JADE3: variants seen among roughly 807,000 people sequenced by gnomAD.
JADE3 encodes protein Jade-3.
A neutral mutation model predicts 50.1 loss-of-function variants in JADE3; 2 were observed. That is an observed-to-expected ratio of 0.04 (90% CI 0.02 to 0.13). JADE3 has a LOEUF of 0.13. Among genes scored for constraint, JADE3 ranks in the 10% least tolerant of loss-of-function variants. The pLI is 1.00. For synonymous variants in JADE3, 218 were observed against 232.9 expected (o/e 0.94, Z 0.58); for missense variants, 475 against 634.4 (o/e 0.75, Z 2.70).
chrX:46,931,097 T>C (rs1232566880), intron 1 of JADE3, among the ~76,000 whole-genome samples: 1 of 112,070 alleles, frequency 8.9e-6, no homozygotes, highest in Non-Finnish European at 1.9e-5. Context: ...GATTACCTAG[T>C]GGATTGCCTG....
chrX:46,966,822 G>A (rs1212010755), intron 1 of JADE3, among the ~76,000 whole-genome samples: 1 of 111,976 alleles, frequency 8.9e-6, no homozygotes, highest in Non-Finnish European at 1.9e-5. Context: ...TAGAGAGGTT[G>A]GAACCTGTTA....
At chrX:46,971,597 C>T (rs1927494662) in intron 1 of JADE3, among the ~76,000 whole-genome samples, 1 of 105,599 alleles carries the variant, frequency 9.5e-6, no homozygotes, top group South Asian at 4.5e-4. Context: ...AGATCGAGAC[C>T]ATCCTGGCTA....
intron 1 of JADE3, among the ~76,000 whole-genome samples, chrX:46,942,157 A>G (rs919232107): frequency 9.0e-6 from 1 of 110,702 alleles, no homozygotes; most frequent in South Asian, 3.8e-4. Flanking sequence ...TTTTTCTCCC[A>G]TTTGTTAGGG....
chrX:47,003,555 G>A lies in JADE3; in HGVS notation c.284+5278G>A, dbSNP rs951598793. 1.9e-4 allele frequency among the ~76,000 whole-genome samples: 19 copies of A among 102,028 alleles called. No individual in the cohort carries two copies. In the Admixed American group the frequency reaches 1.9e-3, roughly 10 times the overall value. 88.6% of individuals were successfully genotyped at this position (102,028 alleles called of 115,157 possible). On this transcript the variant is annotated intron_variant, in intron 4 of 10. Coordinates refer to ENST00000614628, the MANE Select transcript of JADE3 (RefSeq NM_014735.5). ...TTTTATGTCTTATTTTTATGTTCCC[G>A]AGGAATATTGACCTGTAGTCTTATA...
At chrX:46,982,108 T>G in intron 1 of JADE3, among the ~76,000 whole-genome samples, 1 of 111,743 alleles carries the variant, frequency 8.9e-6, no homozygotes, top group Non-Finnish European at 1.9e-5. Context: ...ATTATGTATA[T>G]GTTGATGAAC....
chrX:47,046,766 G>A (rs1430214289), intron 8 of JADE3, among the ~76,000 whole-genome samples: 1 of 112,134 alleles, frequency 8.9e-6, no homozygotes. Context: ...ACGATCATAC[G>A]GTTTTTGTCC....
intron 1 of JADE3, among the ~76,000 whole-genome samples, chrX:46,975,606 C>T (rs1556351407): frequency 9.2e-6 from 1 of 108,364 alleles, no homozygotes; most frequent in East Asian, 2.8e-4. Context: ...AATTATTCCT[C>T]TTTTGTGTGA....
intron 1 of JADE3, among the ~76,000 whole-genome samples, chrX:46,959,435 A>G (rs1927207968): frequency 8.9e-6 from 1 of 112,012 alleles, no homozygotes; most frequent in Non-Finnish European, 1.9e-5. Flanking sequence ...CCCAGTATGT[A>G]CCAGGCACCG....
At chrX:46,925,274 T>C (rs1363333532) in intron 1 of JADE3, among the ~76,000 whole-genome samples, 1 of 112,361 alleles carries the variant, frequency 8.9e-6, no homozygotes, top group Non-Finnish European at 1.9e-5. Flanking sequence ...TAGAAATTGC[T>C]GTGTGAAATA....
chrX:46,952,740 G>C (rs1449352231), intron 1 of JADE3, among the ~76,000 whole-genome samples: 1 of 112,226 alleles, frequency 8.9e-6, no homozygotes, highest in Non-Finnish European at 1.9e-5. Flanking sequence ...GCTCACGCCT[G>C]TAATCCCAGC....
At chrX:47,002,863 T>A (rs1416247333) in intron 4 of JADE3, among the ~76,000 whole-genome samples, 1 of 111,580 alleles carries the variant, frequency 9.0e-6, no homozygotes, top group African/African-American at 3.3e-5. Flanking sequence ...GCAGACATCA[T>A]TGTCTTGTTC....
intron 1 of JADE3, among the ~76,000 whole-genome samples, chrX:46,939,687 T>C (rs781861131): frequency 8.9e-6 from 1 of 112,151 alleles, no homozygotes; most frequent in South Asian, 3.7e-4. Context: ...AGGTTTATGG[T>C]GAGATACTGG....
At chrX:46,999,487 A>ACAT (rs1556358444) in intron 4 of JADE3, among the ~76,000 whole-genome samples, 1 of 103,165 alleles carries the variant, frequency 9.7e-6, no homozygotes, top group South Asian at 4.0e-4. Flanking sequence ...ATATATATAA[A>ACAT]ATAGGGTCTT....
At chrX:46,955,432 T>A (rs183311919) in intron 1 of JADE3, among the ~76,000 whole-genome samples, 2 of 111,789 alleles carry the variant, frequency 1.8e-5, no homozygotes, top group East Asian at 5.6e-4. Flanking sequence ...ATAAGGTTGA[T>A]CGGGGTGTGA....
At chrX:47,035,304 G>C (rs1556367692) in intron 7 of JADE3, among the ~76,000 whole-genome samples, 1 of 111,049 alleles carries the variant, frequency 9.0e-6, no homozygotes, top group Non-Finnish European at 1.9e-5. Context: ...TGGTTCCAGG[G>C]GAGTTATTGT....
chrX:46,917,822 A>ACTCT (rs1926124184), intron 1 of JADE3, among the ~76,000 whole-genome samples: 2 of 22,271 alleles, frequency 9.0e-5, no homozygotes, highest in African/African-American at 3.5e-4. Flanking sequence ...TCTCTCTCTC[A>ACTCT]CTCTCTCTCA....
chrX:47,012,532 G>A (rs1928583592), intron 4 of JADE3, among the ~76,000 whole-genome samples: 1 of 110,486 alleles, frequency 9.1e-6, no homozygotes, highest in African/African-American at 3.3e-5. Context: ...AGTGACCTAT[G>A]ATCACACCAC....
intron 8 of JADE3, among the ~76,000 whole-genome samples, chrX:47,046,196 AT>A (rs782813439): frequency 1.8e-5 from 2 of 111,693 alleles, no homozygotes; most frequent in African/African-American, 3.2e-5. Context: ...AAAAGGAGAC[AT>A]TGCTACTGAT....
chrX:46,994,733 T>C (rs988064768), intron 3 of JADE3, among the ~76,000 whole-genome samples: 12 of 111,887 alleles, frequency 1.1e-4, no homozygotes, highest in African/African-American at 3.9e-4. Context: ...TTGTGGACTA[T>C]AGAGAAGAAC....
Sources: allele counts gnomAD v4.1 joint callset (sites outside exome capture counted in the v4.1 genomes callset), GRCh38; gene constraint gnomAD v4.1.1; transcripts MANE v1.5; gene names NCBI Gene and HGNC (gene_info 2026-07-23, HGNC 2026-07-21).